Variants in THEM4 observed in about 807,000 individuals in gnomAD.
The protein encoded by THEM4 is thioesterase superfamily member 4.
Under a neutral mutation model 25.0 loss-of-function variants are expected in THEM4, and 22 were observed. The ratio of observed to expected loss-of-function variants is 0.88; its 90% CI spans 0.63 to 1.26. The LOEUF is 1.26. Ranked by LOEUF, THEM4 falls within the 50% of genes most tolerant of loss-of-function variation. The pLI is 0.00. For synonymous variants in THEM4, 113 were observed against 105.6 expected (o/e 1.07, Z -0.43); for missense variants, 286 against 300.3 (o/e 0.95, Z 0.35).
At chr1:151,890,086 A>G in intron 2 of THEM4, 1 of 362,482 alleles carries the variant, frequency 2.8e-6, no homozygotes, top group Admixed American at 3.5e-5. Flanking sequence ...CTGTATTTTT[A>G]GTAGAGACGG....
chr1:151,877,008 C>A lies in THEM4; in HGVS notation c.675G>T (p.Glu225Asp). 1 of 1,607,564 alleles carries A rather than the reference C, an allele frequency of 6.2e-7. No individual in the cohort carries two copies. The highest frequency in any genetic ancestry group is 8.5e-7 in the Non-Finnish European group (1 of 1,177,902). ...QSVDEKTLYS[E>D]ATSLFIKLNP... ...ATAAGACCAGCTTCTTACTTGTCGCCTCTGAGTATAGGGTCTTCTCATCAA... is the reference window on the plus strand; with the variant it reads ...ATAAGACCAGCTTCTTACTTGTCGCATCTGAGTATAGGGTCTTCTCATCAA... Residue 225 changes from glutamate (E) to aspartate (D), a missense_variant, in exon 5 of 6, where the codon GAG becomes GAT. Coordinates refer to ENST00000368814, the MANE Select transcript of THEM4 (RefSeq NM_053055.5).
intron 4 of THEM4, among the ~76,000 whole-genome samples, chr1:151,885,222 G>A (rs1558190098): frequency 1.3e-5 from 2 of 151,960 alleles, no homozygotes; most frequent in Non-Finnish European, 2.9e-5. Context: ...AGGTTCAAGC[G>A]ATTCTTCTGC....
At chr1:151,893,399 A>G (rs1221319280) in intron 2 of THEM4, among the ~76,000 whole-genome samples, 1 of 131,412 alleles carries the variant, frequency 7.6e-6, no homozygotes, top group Non-Finnish European at 1.6e-5. Flanking sequence ...AAACAAAAAA[A>G]CAACAAAACA....
At chr1:151,895,747 T>G (rs1305236307) in intron 1 of THEM4, among the ~76,000 whole-genome samples, 1 of 150,574 alleles carries the variant, frequency 6.6e-6, no homozygotes, top group Non-Finnish European at 1.5e-5. Context: ...CATATTGAAA[T>G]GTAATCCCCA....
At chr1:151,894,532 G>A (rs1417678254) in intron 2 of THEM4, among the ~76,000 whole-genome samples, 1 of 152,168 alleles carries the variant, frequency 6.6e-6, no homozygotes, top group African/African-American at 2.4e-5. Context: ...TGCTAAAAAA[G>A]TATATTAGTA....
intron 1 of THEM4, among the ~76,000 whole-genome samples, chr1:151,899,782 T>C (rs996809290): frequency 1.3e-5 from 2 of 152,036 alleles, no homozygotes; most frequent in Non-Finnish European, 2.9e-5. Context: ...GATCTAGACA[T>C]GCAAATACAA....
In THEM4 at chr1:151,909,371, G is replaced by A; in HGVS notation, c.88C>T (p.Arg30Ter). Residue 30 changes from arginine (R) to a stop codon, truncating the protein, a stop_gained, in exon 1 of 6, where the codon CGA (arginine) becomes TGA (stop). Transcript: ENST00000368814. LOFTEE classifies it high-confidence loss of function. ...VGRRLPGSEP[R>*]PELRSFSSEE... The stretch of plus-strand genomic sequence containing the variant: ...GTGCCCAGACTCACCAGCTCGGGTC[G>A]CGGCTCGCTTCCCGGCAGGCGCCGG... 1 of 1,509,454 alleles carries A rather than the reference G, an allele frequency of 6.6e-7. No homozygotes were observed. The highest frequency in any genetic ancestry group is 8.8e-7 in the Non-Finnish European group (1 of 1,134,870). The allele number at this position is 1,509,454 out of a possible 1,614,324, so 93.5% of individuals were successfully genotyped here.
chr1:151,890,454 A>G (rs1194481232), intron 2 of THEM4: 1 of 197,922 alleles, frequency 5.1e-6, no homozygotes, highest in Non-Finnish European at 1.1e-5. Flanking sequence ...CCTTTCTTTC[A>G]TAGCTCATCA....
intron 1 of THEM4, 66 bp from the exon 2 acceptor site, chr1:151,895,260 C>A: frequency 7.5e-7 from 1 of 1,326,294 alleles, no homozygotes; most frequent in Non-Finnish European, 1.0e-6. Context: ...ACATATTCTC[C>A]CAATTTCTAA....
At chr1:151,891,964 GTTT>G (rs899880186) in intron 2 of THEM4, among the ~76,000 whole-genome samples, 1 of 150,662 alleles carries the variant, frequency 6.6e-6, no homozygotes, top group Non-Finnish European at 1.5e-5. Flanking sequence ...TTTTGTTTTT[GTTT>G]TTTTTTGAGA....
intron 2 of THEM4, among the ~76,000 whole-genome samples, chr1:151,894,254 T>C (rs1004233783): frequency 6.6e-6 from 1 of 152,210 alleles, no homozygotes; most frequent in Admixed American, 6.5e-5. Flanking sequence ...CTCAGAAATA[T>C]CTGTGAATGA....
chr1:151,907,354 T>C (rs1654493457), intron 1 of THEM4, among the ~76,000 whole-genome samples: 1 of 152,314 alleles, frequency 6.6e-6, no homozygotes, highest in East Asian at 1.9e-4. Flanking sequence ...TTGAAGTCAG[T>C]GAGACCAAGA....
chr1:151,899,274 C>CAAGGTCAAGAG (rs1448447925), intron 1 of THEM4, among the ~76,000 whole-genome samples: 9 of 152,118 alleles, frequency 5.9e-5, no homozygotes, highest in African/African-American at 2.2e-4. Flanking sequence ...GGGCAGATCA[C>CAAGGTCAAGAG]AAGGTCAAGA....
intron 4 of THEM4, 131 bp downstream of exon 4, chr1:151,888,142 C>A: frequency 4.8e-6 from 3 of 628,850 alleles, no homozygotes; most frequent in Non-Finnish European, 8.2e-6. Flanking sequence ...GCTTCTCCCA[C>A]TCCCTTGCTA....
rs936057526 is a variant in THEM4 at position 151,873,424 on chromosome 1, T to G, written c.*1464A>C. Among the ~76,000 whole-genome samples, 4 of 152,142 alleles carry G rather than the reference T, an allele frequency of 2.6e-5. No homozygotes were observed. Among genetic ancestry groups the G allele is most frequent in the African/African-American group, 9.7e-5 (4 of 41,434 alleles). ...TTCTTTATACTTTGTCTCTGTGCCTTATTTCTTTTCTCAGTCTCTCATCCC... is the reference window on the plus strand; with the variant it reads ...TTCTTTATACTTTGTCTCTGTGCCTGATTTCTTTTCTCAGTCTCTCATCCC... On this transcript the variant is annotated 3_prime_UTR_variant, in exon 6 of 6. Transcript: ENST00000368814.
chr1:151,907,959 G>C (rs1280892470), intron 1 of THEM4, among the ~76,000 whole-genome samples: 1 of 152,174 alleles, frequency 6.6e-6, no homozygotes. Flanking sequence ...CAGGCTCCAA[G>C]GCGCCGGCAT....
chr1:151,877,181 T>C, intron 4 of THEM4, 56 bp from the exon 5 acceptor site: 3 of 1,527,760 alleles, frequency 2.0e-6, no homozygotes, highest in Non-Finnish European at 2.6e-6. Flanking sequence ...TTATATAACA[T>C]TAAAAGATGA....
chr1:151,900,286 T>G (rs922074420), intron 1 of THEM4, among the ~76,000 whole-genome samples: 1 of 151,952 alleles, frequency 6.6e-6, no homozygotes, highest in Non-Finnish European at 1.5e-5. Context: ...AACCCCACAG[T>G]ACACAGGCAA....
At chr1:151,889,013 TCATA>T (rs1438650395) in intron 3 of THEM4, among the ~76,000 whole-genome samples, 197 bp downstream of exon 3, 5 of 152,272 alleles carry the variant, frequency 3.3e-5, no homozygotes, top group Admixed American at 6.5e-5. Flanking sequence ...ATTATAATGC[TCATA>T]TATAAAAATA....
Sources: gnomAD v4.1 joint callset for allele counts (sites outside exome capture counted in the v4.1 genomes callset) on GRCh38, gnomAD v4.1.1 for gene constraint, MANE v1.5 for transcripts, NCBI Gene and HGNC (gene_info 2026-07-23, HGNC 2026-07-21) for gene names.